Variants in ABCA1 observed in about 807,000 individuals in gnomAD.
The protein encoded by ABCA1 is phospholipid-transporting ATPase ABCA1.
ABCA1 carries 133 observed loss-of-function variants against 262.5 expected under a neutral mutation model. That is an observed-to-expected ratio of 0.51 (90% confidence interval 0.44 to 0.59). The LOEUF (loss-of-function observed/expected upper bound fraction) is 0.59, where lower values mean the gene tolerates loss of function less well. ABCA1 is among the 20% of genes least tolerant of loss of function. The probability of loss-of-function intolerance (pLI) is 0.00; values close to 1 mark genes in which losing one functional copy is unlikely to be tolerated. For synonymous variants in ABCA1, 1,022 were observed against 1,043.5 expected (o/e 0.98, Z 0.40); for missense variants, 2,452 against 2,777.5 (o/e 0.88, Z 2.63).
chr9:104,839,377 T>C (rs1834157249), intron 9 of ABCA1, among the ~76,000 whole-genome samples: 1 of 152,218 alleles, frequency 6.6e-6, no homozygotes, highest in South Asian at 2.1e-4. Flanking sequence ...AACTCTGATG[T>C]GGCTCTAACC....
intron 24 of ABCA1, 76 bp from the exon 25 acceptor site, chr9:104,816,421 C>T: frequency 7.1e-7 from 1 of 1,415,822 alleles, no homozygotes; most frequent in Non-Finnish European, 1.0e-6. Flanking sequence ...ATCCCCCACC[C>T]TCTCATCAGA....
Position 104,796,298 on chromosome 9 carries a change from A to T in ABCA1, c.5237+11T>A, listed in dbSNP as rs1471270299. The T allele has an allele frequency of 6.2e-7, 1 of 1,614,048 alleles. No homozygotes were observed. The highest frequency in any genetic ancestry group is 2.2e-5 in the East Asian group (1 of 44,872). On this transcript the variant is annotated intron_variant, in intron 38 of 49. Coordinates refer to ENST00000374736, the MANE Select transcript of ABCA1 (RefSeq NM_005502.4). ...TCCACTGTGCAGCTCCCTCACTCAG[A>T]GGTGACTTACCCATACAGCAAAAGT...
chr9:104,862,228 C>T (rs979564134), intron 5 of ABCA1, among the ~76,000 whole-genome samples: 16 of 152,078 alleles, frequency 1.1e-4, no homozygotes, highest in Non-Finnish European at 1.3e-4. Context: ...CTCAGCCTCC[C>T]GAGTAGCTGG....
intron 18 of ABCA1, among the ~76,000 whole-genome samples, chr9:104,824,034 T>A (rs745538682): frequency 6.6e-6 from 1 of 152,200 alleles, no homozygotes; most frequent in Non-Finnish European, 1.5e-5. Context: ...GATTACATTA[T>A]GAAGCATAGG....
chr9:104,837,442 G>T lies in ABCA1; in HGVS notation c.1180C>A (p.Gln394Lys). The change falls in exon 10 of 50, where the codon CAG becomes AAG. Residue 394 changes from glutamine (Q) to lysine (K), a missense_variant. Gln to Lys is a moderately conservative substitution (Grantham distance 53). Around this residue, in one of 4 missense-constraint regions of ABCA1, gnomAD observed 1,032 missense variants for 1,089.7 expected, o/e 0.95. Transcript: ENST00000374736. ...GGGCAGCTTACCTCAGCCATGACCTGCCTTGTGGCTGGAGTGTCAGGTGTA... is the reference window on the plus strand; with the variant it reads ...GGGCAGCTTACCTCAGCCATGACCTTCCTTGTGGCTGGAGTGTCAGGTGTA... ...LYTPDTPATR[Q>K]VMAEVNKTFQ... 6.2e-7 allele frequency: 1 copy of T among 1,614,036 alleles called. No individual in the cohort carries two copies. Among genetic ancestry groups the T allele is most frequent in the South Asian group, 1.1e-5 (1 of 91,080 alleles).
At chr9:104,888,378 A>G (rs994635465) in intron 3 of ABCA1, among the ~76,000 whole-genome samples, 11 of 152,308 alleles carry the variant, frequency 7.2e-5, no homozygotes, top group Admixed American at 6.5e-4. Flanking sequence ...TGCAGTGTCA[A>G]TCCACCCACT....
At chr9:104,890,760 A>C (rs1839659813) in intron 2 of ABCA1, among the ~76,000 whole-genome samples, 1 of 152,148 alleles carries the variant, frequency 6.6e-6, no homozygotes, top group African/African-American at 2.4e-5. Flanking sequence ...CACTGCACTG[A>C]GCCAAAGCAG....
intron 1 of ABCA1, among the ~76,000 whole-genome samples, chr9:104,906,107 TC>T (rs2118449968): frequency 6.6e-6 from 1 of 152,362 alleles, no homozygotes; most frequent in African/African-American, 2.4e-5. Context: ...CATTTATCTT[TC>T]TTCATTCCAA....
intron 7 of ABCA1, chr9:104,855,790 G>A (rs772633323): frequency 7.0e-6 from 11 of 1,575,180 alleles, no homozygotes; most frequent in Admixed American, 5.6e-5. Context: ...CTCCCACACT[G>A]CCATACTTTC....
chr9:104,807,089 G>A (rs1222502338), intron 30 of ABCA1, among the ~76,000 whole-genome samples: 5 of 152,230 alleles, frequency 3.3e-5, no homozygotes, highest in Admixed American at 2.0e-4. Flanking sequence ...AGCATGGCTG[G>A]AGTAGGATAA....
In ABCA1 at chr9:104,831,092, G is replaced by A. The variant is rs781491980; in HGVS notation, c.1725C>T (p.Asp575=). 1.2e-6 allele frequency: 2 copies of A among 1,605,988 alleles called. No homozygotes were observed. Among genetic ancestry groups the A allele is most frequent in the Non-Finnish European group, 8.5e-7 (1 of 1,178,628 alleles). ...RTNKIKDGYW[D]PGPRADPFED... Reference sequence around the variant, plus strand: ...CAAAGGGGTCAGCTCGAGGACCAGGGTCCCAGTACCTAAAACCAAACCACA... The same window carrying A: ...CAAAGGGGTCAGCTCGAGGACCAGGATCCCAGTACCTAAAACCAAACCACA... The change falls in exon 14 of 50, where the codon GAC becomes GAT. Residue 575 remains aspartate, a synonymous_variant. Coordinates refer to ENST00000374736, the MANE Select transcript of ABCA1 (RefSeq NM_005502.4).
At chr9:104,857,165 G>T (rs866802343) in intron 7 of ABCA1, among the ~76,000 whole-genome samples, 1 of 152,120 alleles carries the variant, frequency 6.6e-6, no homozygotes, top group Non-Finnish European at 1.5e-5. Context: ...ATAGCTGGGC[G>T]TGGTGGCAGG....
intron 1 of ABCA1, among the ~76,000 whole-genome samples, chr9:104,923,658 G>A (rs1464844143): frequency 6.6e-6 from 1 of 152,214 alleles, no homozygotes; most frequent in South Asian, 2.1e-4. Flanking sequence ...TCTGCCTCTT[G>A]CAAGGTATAT....
chr9:104,925,375 C>CAAAAAAAAAAAA (rs576630245), intron 1 of ABCA1, among the ~76,000 whole-genome samples: 28 of 123,192 alleles, frequency 2.3e-4, no homozygotes, highest in East Asian at 4.8e-4. Flanking sequence ...GACTGCATCT[C>CAAAAAAAAAAAA]AAAAAAAAAA....
At chr9:104,914,907 T>C (rs1194801671) in intron 1 of ABCA1, among the ~76,000 whole-genome samples, 1 of 152,168 alleles carries the variant, frequency 6.6e-6, no homozygotes, top group Non-Finnish European at 1.5e-5. Context: ...ACATTCATTT[T>C]CATTAACTTC....
Position 104,809,475 on chromosome 9 carries a change from T to C in ABCA1, c.4265A>G (p.Asn1422Ser). 6.2e-7 allele frequency: 1 copy of C among 1,614,146 alleles called. No individual in the cohort carries two copies. The highest frequency in any genetic ancestry group is 8.5e-7 in the Non-Finnish European group (1 of 1,180,018). ...CTAAAGTGGCACTCACGGGATTGGG[T>C]TTCCTTCCATACAGCGGGTCCCGAA... is the stretch of plus-strand genomic sequence containing the variant. ...PGFGTRCMEG[N>S]PIPDTPCQAG... The change falls in exon 30 of 50, where the codon AAC (asparagine) becomes AGC (serine). Residue 1422 changes from asparagine (N) to serine (S), a missense_variant. Physicochemically the swap from Asn to Ser is conservative, Grantham distance 46. Transcript: ENST00000374736.
chr9:104,794,972 C>T (rs187074251), intron 39 of ABCA1, among the ~76,000 whole-genome samples: 338 of 152,260 alleles, frequency 2.2e-3, no homozygotes, highest in African/African-American at 7.8e-3. Flanking sequence ...AGGGGCTATA[C>T]GCTGGATGCA....
At chr9:104,833,766 G>A (rs1414432757) in intron 11 of ABCA1, among the ~76,000 whole-genome samples, 2 of 152,198 alleles carry the variant, frequency 1.3e-5, no homozygotes, top group African/African-American at 4.8e-5. Context: ...ATTGCAGGAT[G>A]TACAGGTCAT....
At chr9:104,890,822 T>G (rs907066982) in intron 2 of ABCA1, among the ~76,000 whole-genome samples, 1 of 151,922 alleles carries the variant, frequency 6.6e-6, no homozygotes, top group Non-Finnish European at 1.5e-5. Flanking sequence ...AATTTGAAAA[T>G]AAAAAAATAC....
Sources: gnomAD v4.1 joint callset for allele counts (sites outside exome capture counted in the v4.1 genomes callset) on GRCh38, gnomAD v4.1.1 for gene constraint, gnomAD v4.1.1 regional missense constraint, MANE v1.5 for transcripts, NCBI Gene and HGNC (gene_info 2026-07-23, HGNC 2026-07-21) for gene names.